Variants in SNAP91 observed in about 807,000 individuals in gnomAD.
SNAP91 encodes clathrin coat assembly protein AP180.
Under a neutral mutation model 100.3 loss-of-function variants are expected in SNAP91, and 27 were observed. The ratio of observed to expected loss-of-function variants is 0.27; its 90% CI spans 0.20 to 0.37. The LOEUF is 0.37. Ranked by LOEUF, SNAP91 falls within the 10% of genes least tolerant of loss-of-function variation. The probability of loss-of-function intolerance (pLI) is 1.00; values close to 1 mark genes in which losing one functional copy is unlikely to be tolerated. For missense variants in SNAP91, 986 were observed against 1,123.7 expected (o/e 0.88, Z 1.75); for synonymous variants, 404 against 398.6 (o/e 1.01, Z -0.16).
intron 9 of SNAP91, among the ~76,000 whole-genome samples, chr6:83,618,940 C>A (rs993476422): frequency 1.3e-5 from 2 of 151,680 alleles, no homozygotes; most frequent in Non-Finnish European, 2.9e-5. Context: ...GCAACAAATA[C>A]GGGATAACCA....
At chr6:83,587,740 C>A (rs1006203296) in intron 22 of SNAP91, among the ~76,000 whole-genome samples, 1 of 151,994 alleles carries the variant, frequency 6.6e-6, no homozygotes, top group African/African-American at 2.4e-5. Context: ...TTTTATATTG[C>A]GTTTATTAGC....
chr6:83,573,162 C>G (rs1215640287), intron 26 of SNAP91, among the ~76,000 whole-genome samples: 1 of 152,140 alleles, frequency 6.6e-6, no homozygotes, highest in African/African-American at 2.4e-5. Context: ...CAATAACAGA[C>G]AAACAGAGAG....
At chr6:83,554,586 C>T (rs1446846512) in intron 29 of SNAP91, among the ~76,000 whole-genome samples, 2 of 152,078 alleles carry the variant, frequency 1.3e-5, no homozygotes, top group African/African-American at 2.4e-5. Context: ...GCAGGACATT[C>T]GGTATAGCAT....
At chr6:83,634,507 A>G (rs2097349968) in intron 8 of SNAP91, among the ~76,000 whole-genome samples, 1 of 152,018 alleles carries the variant, frequency 6.6e-6, no homozygotes, top group South Asian at 2.1e-4. Context: ...AGGTTTCCTG[A>G]TTTATTCCTG....
chr6:83,578,170 C>A (rs183098334), intron 24 of SNAP91, among the ~76,000 whole-genome samples: 52 of 152,146 alleles, frequency 3.4e-4, no homozygotes, highest in African/African-American at 1.2e-3. Flanking sequence ...AATAACAATA[C>A]TATAAACATT....
intron 6 of SNAP91, among the ~76,000 whole-genome samples, chr6:83,658,408 G>A (rs1363867406): frequency 1.3e-5 from 2 of 152,094 alleles, no homozygotes; most frequent in African/African-American, 4.8e-5. Context: ...AGGAGATCGA[G>A]ACCATCCTGG....
At chr6:83,621,854 T>G (rs2096741648) in intron 9 of SNAP91, among the ~76,000 whole-genome samples, 1 of 152,132 alleles carries the variant, frequency 6.6e-6, no homozygotes, top group Non-Finnish European at 1.5e-5. Context: ...TAGAAGCTAT[T>G]CATTAGCTTC....
At chr6:83,641,245 G>A in intron 7 of SNAP91, 43 bp from the exon 8 acceptor site, 1 of 885,906 alleles carries the variant, frequency 1.1e-6, no homozygotes, top group Non-Finnish European at 1.7e-6. Context: ...AGAGTATTAT[G>A]TTCTATTTTT....
chr6:83,580,724 A>G, intron 23 of SNAP91, 125 bp from the exon 24 acceptor site: 1 of 877,786 alleles, frequency 1.1e-6, no homozygotes, highest in East Asian at 2.7e-5. Flanking sequence ...AAAAGAAGGC[A>G]AGTAATTCAC....
intron 10 of SNAP91, 49 bp from the exon 11 acceptor site, chr6:83,614,911 T>C (rs1206749921): frequency 2.4e-5 from 35 of 1,473,672 alleles, no homozygotes; most frequent in Non-Finnish European, 3.1e-5. Context: ...AATAGTTAAC[T>C]ATTATAGTTC....
intron 3 of SNAP91, 89 bp downstream of exon 3, chr6:83,665,350 G>A: frequency 7.9e-7 from 1 of 1,270,302 alleles, no homozygotes; most frequent in Non-Finnish European, 1.1e-6. Context: ...CTCCTAATTA[G>A]TGAAAATTCA....
chr6:83,668,971 C>T (rs986573484), intron 2 of SNAP91, among the ~76,000 whole-genome samples: 10 of 151,976 alleles, frequency 6.6e-5, no homozygotes, highest in Admixed American at 3.3e-4. Flanking sequence ...TTAGCTTAGC[C>T]TACCTTAAAT....
intron 2 of SNAP91, among the ~76,000 whole-genome samples, chr6:83,666,069 G>T (rs938240532): frequency 6.6e-6 from 1 of 152,096 alleles, no homozygotes; most frequent in Non-Finnish European, 1.5e-5. Context: ...CTTGTCATAT[G>T]AGTGGCAGGA....
chr6:83,631,940 G>A (rs2097221881), intron 8 of SNAP91, among the ~76,000 whole-genome samples: 1 of 151,858 alleles, frequency 6.6e-6, no homozygotes, highest in South Asian at 2.1e-4. Context: ...TTTTTTATAG[G>A]TCCTATGAGA....
At chr6:83,686,944 T>C (rs2128956226) in intron 2 of SNAP91, 1 of 152,290 alleles carries the variant, frequency 6.6e-6, no homozygotes, top group Non-Finnish European at 1.5e-5. Flanking sequence ...GTTATGCTAC[T>C]TAGGTTTTGG....
chr6:83,592,845 A>C lies in SNAP91; in HGVS notation c.1846+101T>G, dbSNP rs1243655118. On this transcript the variant is annotated intron_variant, in intron 20 of 29. Transcript: ENST00000369694. ...AGTTTTTCTTTTGAAGTACATTTTAAATTTAAAAGAACTCAAGAAAAACCC... is the reference window on the plus strand; with the variant it reads ...AGTTTTTCTTTTGAAGTACATTTTACATTTAAAAGAACTCAAGAAAAACCC... 6.8e-6 allele frequency: 6 copies of C among 883,480 alleles called. No individual in the cohort carries two copies. The African/African-American group carries it at 8.5e-5, about 13-fold the overall frequency. 54.7% of individuals were successfully genotyped at this position (883,480 alleles called of 1,614,324 possible). A position where few individuals can be genotyped will look rare whatever the true frequency, so the allele number is the denominator to read the frequency against.
Position 83,656,825 on chromosome 6 carries a change from G to A in SNAP91, c.587C>T (p.Ala196Val). 1 of 1,606,362 alleles carries A rather than the reference G, an allele frequency of 6.2e-7. No individual in the cohort carries two copies. Among genetic ancestry groups the A allele is most frequent in the Non-Finnish European group, 8.5e-7 (1 of 1,176,174 alleles). Residue 196 changes from alanine to valine, a missense_variant, in exon 7 of 30, where the codon GCA (alanine) becomes GTA (valine). Coordinates refer to ENST00000369694, the MANE Select transcript of SNAP91 (RefSeq NM_001242792.2). ...AAGATCTTTGAAAAGAAGCATAAAT[G>A]CTGCATTTATGACACCATTTGTTAG... ...NELTNGVINA[A>V]FMLLFKDLIK...
intron 7 of SNAP91, among the ~76,000 whole-genome samples, chr6:83,647,048 C>G (rs2128608410): frequency 6.6e-6 from 1 of 150,618 alleles, no homozygotes; most frequent in South Asian, 2.1e-4. Context: ...TTTCTTGCAA[C>G]CTTGCTATAA....
At chr6:83,675,399 GAATA>G (rs1338239577) in intron 2 of SNAP91, among the ~76,000 whole-genome samples, 1 of 152,010 alleles carries the variant, frequency 6.6e-6, no homozygotes, top group African/African-American at 2.4e-5. Flanking sequence ...TGATATACCT[GAATA>G]AATACTTGTA....
Sources: gnomAD v4.1 joint callset for allele counts (sites outside exome capture counted in the v4.1 genomes callset) on GRCh38, gnomAD v4.1.1 for gene constraint, MANE v1.5 for transcripts, NCBI Gene and HGNC (gene_info 2026-07-23, HGNC 2026-07-21) for gene names.